Variants in MTR observed in about 807,000 individuals in gnomAD.
MTR encodes the protein 5-methyltetrahydrofolate-homocysteine methyltransferase.
Under a neutral mutation model 154.8 loss-of-function variants are expected in MTR, and 84 were observed. The observed-to-expected ratio is 0.54, with a 90% CI of 0.45 to 0.65. The LOEUF is 0.65. MTR is among the 30% of genes least tolerant of loss of function. MTR has a pLI of 0.00. For missense variants in MTR, 1,275 were observed against 1,570.2 expected, an observed-to-expected ratio of 0.81 and a Z score of 3.18; for synonymous variants, 554 against 553.9, an observed-to-expected ratio of 1.00 and a Z score of 0.00.
chr1:236,804,542 T>C (rs558233859), intron 2 of MTR, among the ~76,000 whole-genome samples: 1 of 152,370 alleles, frequency 6.6e-6, no homozygotes, highest in African/African-American at 2.4e-5. Flanking sequence ...TTAAATATTC[T>C]GGAACATGGT....
chr1:236,897,266 T>TA (rs1448089938), intron 32 of MTR, 148 bp downstream of exon 32: 2 of 683,684 alleles, frequency 2.9e-6, no homozygotes, highest in Non-Finnish European at 5.1e-6. Context: ...TTCAATAGAA[T>TA]ACCTCTATTC....
chr1:236,886,948 A>T (rs1383456077), intron 27 of MTR, among the ~76,000 whole-genome samples: 1 of 150,316 alleles, frequency 6.7e-6, no homozygotes, highest in East Asian at 1.9e-4. Context: ...CTCTCTCTGG[A>T]TGTTTCCCTC....
chr1:236,883,323 G>A (rs1027673325), intron 25 of MTR, among the ~76,000 whole-genome samples: 20 of 152,304 alleles, frequency 1.3e-4, no homozygotes, highest in Middle Eastern at 3.4e-3. Context: ...ACTTGTTTCC[G>A]TCAAGTAAGT....
At chr1:236,870,067 C>G (rs1170052059) in intron 22 of MTR, among the ~76,000 whole-genome samples, 2 of 152,196 alleles carry the variant, frequency 1.3e-5, no homozygotes, top group East Asian at 1.9e-4. Flanking sequence ...CATTCTCTTT[C>G]CTGCTGGAGA....
At chr1:236,829,339 T>C in intron 12 of MTR, 71 bp downstream of exon 12, 1 of 1,277,078 alleles carries the variant, frequency 7.8e-7, no homozygotes, top group Non-Finnish European at 1.1e-6. Context: ...TAAGTGGTAG[T>C]GATGTTTGTG....
intron 24 of MTR, among the ~76,000 whole-genome samples, chr1:236,878,382 C>G (rs537799548): frequency 6.6e-6 from 1 of 152,234 alleles, no homozygotes; most frequent in African/African-American, 2.4e-5. Context: ...CTCAGGACTT[C>G]CACGTTTTCA....
intron 8 of MTR, 42 bp downstream of exon 8, chr1:236,816,585 G>C: frequency 6.5e-7 from 1 of 1,545,724 alleles, no homozygotes; most frequent in Non-Finnish European, 8.9e-7. Context: ...CTTTTTTGGG[G>C]AACCTTTTCT....
chr1:236,900,071 A>C lies in MTR; in HGVS notation c.*2427A>C. ...GCTTCCAACTCCCACCTGTATGTCC[A>C]GCAAACTCTTGCATGTGGCCACTAG... On this transcript the variant is annotated 3_prime_UTR_variant, in exon 33 of 33. Coordinates refer to ENST00000366577, the MANE Select transcript of MTR (RefSeq NM_000254.3). 1 of 295,516 alleles carries C rather than the reference A, an allele frequency of 3.4e-6. No individual in the cohort carries two copies. Among genetic ancestry groups the C allele is most frequent in the Non-Finnish European group, 6.8e-6 (1 of 146,024 alleles). The allele number at this position is 295,516 out of a possible 1,614,324, so 18.3% of individuals were successfully genotyped here. A position where few individuals can be genotyped will look rare whatever the true frequency, so the allele number is the denominator to read the frequency against.
chr1:236,896,990 G>A lies in MTR; in HGVS notation c.3599-16G>A, dbSNP rs1666660690. The A allele has an allele frequency of 1.9e-6, 3 of 1,590,522 alleles. No individual in the cohort carries two copies. Among genetic ancestry groups the A allele is most frequent in the African/African-American group, 1.3e-5 (1 of 74,486 alleles). On this transcript the variant is annotated splice_polypyrimidine_tract_variant and intron_variant, in intron 31 of 32. Transcript: ENST00000366577. ...CACTGAGTCCATAAGCATTTTCCCT[G>A]TGTTGCTCCCTCTAGGCATTAGGTT...
At chr1:236,862,807 A>G (rs184646785) in intron 21 of MTR, among the ~76,000 whole-genome samples, 1 of 152,236 alleles carries the variant, frequency 6.6e-6, no homozygotes, top group Admixed American at 6.5e-5. Flanking sequence ...TGTTGGCTGC[A>G]CCACCAGAGT....
chr1:236,806,296 C>A, intron 3 of MTR, 63 bp downstream of exon 3: 1 of 1,315,546 alleles, frequency 7.6e-7, no homozygotes, highest in Non-Finnish European at 1.1e-6. Context: ...TTGGTAGTTG[C>A]TAGTGAGTAA....
At chr1:236,844,346 A>G (rs1399436667) in intron 15 of MTR, among the ~76,000 whole-genome samples, 1 of 152,132 alleles carries the variant, frequency 6.6e-6, no homozygotes, top group East Asian at 1.9e-4. Flanking sequence ...AAGAGAGAAT[A>G]GGAGAAGAAT....
At chr1:236,875,751 C>T (rs1379359334) in intron 24 of MTR, among the ~76,000 whole-genome samples, 1 of 152,072 alleles carries the variant, frequency 6.6e-6, no homozygotes, top group Non-Finnish European at 1.5e-5. Context: ...GAAAAGTGTT[C>T]CTTTTGCACT....
In MTR at chr1:236,835,540, C is replaced by T. The variant is rs534059695; in HGVS notation, c.1189-7C>T. ...TAATGCTGCTTCCTCTCTCATTCTTCCTTCAGGAAGCCTTGTGTGTTGCCA... is the reference window on the plus strand; with the variant it reads ...TAATGCTGCTTCCTCTCTCATTCTTTCTTCAGGAAGCCTTGTGTGTTGCCA... On this transcript the variant is annotated splice_region_variant and splice_polypyrimidine_tract_variant and intron_variant, in intron 13 of 32. Coordinates refer to ENST00000366577, the MANE Select transcript of MTR (RefSeq NM_000254.3). The T allele has an allele frequency of 1.2e-6, 2 of 1,612,192 alleles. No homozygotes were observed. The highest frequency in any genetic ancestry group is 2.7e-5 in the African/African-American group (2 of 74,242).
At chr1:236,843,033 G>C (rs928266592) in intron 15 of MTR, among the ~76,000 whole-genome samples, 1 of 149,926 alleles carries the variant, frequency 6.7e-6, no homozygotes, top group African/African-American at 2.5e-5. Flanking sequence ...TTGCAGTGAG[G>C]TGAGATTGCA....
Position 236,894,458 on chromosome 1 carries a change from T to A in MTR, c.3306T>A (p.Val1102=), listed in dbSNP as rs779479337. The change falls in exon 30 of 33, where the codon GTT becomes GTA. Residue 1102 remains valine, a synonymous_variant. Coordinates refer to ENST00000366577, the MANE Select transcript of MTR (RefSeq NM_000254.3). ...GTGACTACCTGGGCCTGTTTGCCGT[T>A]GCCTGCTTTGGGGTAGAAGAGCTGA... ...GIRDYLGLFA[V]ACFGVEELSK... is the part of the protein sequence containing the mutation. 6.2e-7 allele frequency: 1 copy of A among 1,614,106 alleles called. No homozygotes were observed. The highest frequency in any genetic ancestry group is 2.2e-5 in the East Asian group (1 of 44,890).
At chr1:236,888,153 T>G (rs1383285511) in intron 27 of MTR, among the ~76,000 whole-genome samples, 1 of 152,232 alleles carries the variant, frequency 6.6e-6, no homozygotes, top group African/African-American at 2.4e-5. Flanking sequence ...AGCTTCTGTG[T>G]TCTCCCAGAG....
intron 11 of MTR, among the ~76,000 whole-genome samples, chr1:236,828,861 G>A (rs1000741524): frequency 1.3e-5 from 2 of 152,026 alleles, no homozygotes; most frequent in Non-Finnish European, 2.9e-5. Context: ...ATCTGTGGAT[G>A]TGGGGAAGAT....
At chr1:236,862,806 C>T (rs910295792) in intron 21 of MTR, among the ~76,000 whole-genome samples, 1 of 152,180 alleles carries the variant, frequency 6.6e-6, no homozygotes, top group Non-Finnish European at 1.5e-5. Flanking sequence ...TTGTTGGCTG[C>T]ACCACCAGAG....
Sources: allele counts gnomAD v4.1 joint callset (sites outside exome capture counted in the v4.1 genomes callset), GRCh38; gene constraint gnomAD v4.1.1; transcripts MANE v1.5; gene names NCBI Gene and HGNC (gene_info 2026-07-23, HGNC 2026-07-21).